The following ERICH1 variants were observed in gnomAD, a reference collection of about 807,000 sequenced individuals.
The protein encoded by ERICH1 is glutamate rich 1, also known as glutamate-rich protein 1.
ERICH1 carries 56 observed loss-of-function variants against 39.6 expected under a neutral mutation model. The ratio of observed to expected loss-of-function variants is 1.41; its 90% CI spans 1.14 to 1.77. ERICH1 has a LOEUF of 1.77. Ranked by LOEUF, ERICH1 falls within the 40% of genes most tolerant of loss-of-function variation. The pLI is 0.00. For missense variants in ERICH1, 826 were observed against 575.4 expected (o/e 1.44, Z -4.45); for synonymous variants, 313 against 223.6 (o/e 1.40, Z -3.57).
chr8:718,146 C>G (rs555805885), intron 1 of ERICH1, among the ~76,000 whole-genome samples: 2 of 151,582 alleles, frequency 1.3e-5, no homozygotes, highest in African/African-American at 4.9e-5. Context: ...GGGTACAGAT[C>G]GGAGCGCACG....
chr8:635,187 A>C (rs1035073962), intron 3 of ERICH1, among the ~76,000 whole-genome samples: 7 of 151,786 alleles, frequency 4.6e-5, no homozygotes, highest in Non-Finnish European at 1.0e-4. Context: ...TGTTCAGGAA[A>C]CCCCCCGAGG....
chr8:665,519 T>A (rs1802071344), intron 5 of ERICH1, among the ~76,000 whole-genome samples: 3 of 152,038 alleles, frequency 2.0e-5, no homozygotes, highest in Admixed American at 2.0e-4. Flanking sequence ...GCAGGCTCCA[T>A]CCCGCCCAGG....
intron 3 of ERICH1, chr8:625,868 A>T (rs1215964429): frequency 6.6e-6 from 1 of 152,244 alleles, no homozygotes; most frequent in Non-Finnish European, 1.5e-5. Context: ...TTGGGCTAAG[A>T]TGATGTGATT....
chr8:728,763 A>T (rs1819369009), intron 1 of ERICH1, among the ~76,000 whole-genome samples: 1 of 152,184 alleles, frequency 6.6e-6, no homozygotes, highest in African/African-American at 2.4e-5. Flanking sequence ...TACTTACACT[A>T]GCATAACATA....
At chr8:667,657 A>G in intron 5 of ERICH1, 1 of 153,482 alleles carries the variant, frequency 6.5e-6, no homozygotes, top group Non-Finnish European at 1.5e-5. Flanking sequence ...TCCAGCACCC[A>G]TATGCTCTGC....
chr8:691,185 C>CGCCAGGCGATCCTGACAGCCT (rs149480221), intron 3 of ERICH1: 109,086 of 152,180 alleles, frequency 0.72, 39,344 homozygotes, highest in African/African-American at 0.79. Flanking sequence ...AAGTCACTGG[C>CGCCAGGCGATCCTGACAGCCT]GCCTGGAGAA....
intron 3 of ERICH1, among the ~76,000 whole-genome samples, chr8:654,882 G>C (rs1056888763): frequency 1.4e-4 from 21 of 152,332 alleles, no homozygotes; most frequent in African/African-American, 4.6e-4. Context: ...AGGAACCTGA[G>C]GCGGGAACAC....
At chr8:617,590 T>A (rs116855023) in intron 3 of ERICH1, among the ~76,000 whole-genome samples, 1 of 151,504 alleles carries the variant, frequency 6.6e-6, no homozygotes, top group African/African-American at 2.4e-5. Flanking sequence ...CTCTGAGTGC[T>A]TGGTGCTCCA....
At chr8:717,417 A>C (rs1323476658) in intron 1 of ERICH1, among the ~76,000 whole-genome samples, 1 of 152,212 alleles carries the variant, frequency 6.6e-6, no homozygotes. Context: ...CTCAGGGAGC[A>C]ACAGGTGGTC....
intron 1 of ERICH1, among the ~76,000 whole-genome samples, chr8:726,553 A>G (rs2132469156): frequency 6.6e-6 from 1 of 151,916 alleles, no homozygotes; most frequent in African/African-American, 2.4e-5. Flanking sequence ...ACACACAGAC[A>G]CGTGTACACA....
chr8:684,845 A>G (rs1316134078), intron 3 of ERICH1, among the ~76,000 whole-genome samples: 6 of 152,166 alleles, frequency 3.9e-5, no homozygotes, highest in Non-Finnish European at 7.3e-5. Flanking sequence ...AAGGGGAGGG[A>G]GTGTACAAAT....
intron 2 of ERICH1, among the ~76,000 whole-genome samples, chr8:715,527 G>T (rs748699317): frequency 6.6e-6 from 1 of 152,268 alleles, no homozygotes; most frequent in African/African-American, 2.4e-5. Flanking sequence ...ACAGTGACTG[G>T]GGGCATGGTG....
intron 3 of ERICH1, among the ~76,000 whole-genome samples, chr8:631,702 G>A (rs1199749010): frequency 1.3e-5 from 2 of 151,988 alleles, no homozygotes; most frequent in Non-Finnish European, 2.9e-5. Context: ...GCTGTTCAGC[G>A]GCACTGAGCG....
At chr8:660,937 C>G (rs1213707661), downstream of ERICH1, among the ~76,000 whole-genome samples, 8 of 152,286 alleles carry the variant, frequency 5.3e-5, no homozygotes, top group South Asian at 1.5e-3. Flanking sequence ...GGTTCTCAGG[C>G]TAGCTCCGGG....
intron 3 of ERICH1, among the ~76,000 whole-genome samples, chr8:629,306 C>T (rs910653901): frequency 1.3e-5 from 2 of 151,148 alleles, no homozygotes; most frequent in Non-Finnish European, 1.5e-5. Flanking sequence ...CACACCCTCC[C>T]GTGACCACCC....
intron 3 of ERICH1, chr8:625,563 C>G (rs1174980977): frequency 6.6e-6 from 1 of 152,166 alleles, no homozygotes; most frequent in African/African-American, 2.4e-5. Flanking sequence ...GAGGATTGTA[C>G]AACTCTGAAT....
intron 3 of ERICH1, among the ~76,000 whole-genome samples, chr8:680,836 C>T (rs901785622): frequency 1.3e-5 from 2 of 152,220 alleles, no homozygotes; most frequent in Non-Finnish European, 2.9e-5. Flanking sequence ...GCCCCAGTTC[C>T]ACACACCACC....
intron 3 of ERICH1, among the ~76,000 whole-genome samples, chr8:633,203 T>A (rs893402379): frequency 6.6e-6 from 1 of 152,206 alleles, no homozygotes; most frequent in Non-Finnish European, 1.5e-5. Flanking sequence ...GTGCACACCC[T>A]ATGGCCTGGC....
At chr8:699,868 C>A (rs1811410926) in intron 2 of ERICH1, among the ~76,000 whole-genome samples, 1 of 109,458 alleles carries the variant, frequency 9.1e-6, no homozygotes, top group African/African-American at 3.2e-5. Flanking sequence ...CGCACAGACC[C>A]TCACAGGCGC....
Sources: gnomAD v4.1 joint callset for allele counts (sites outside exome capture counted in the v4.1 genomes callset) on GRCh38, gnomAD v4.1.1 for gene constraint, MANE v1.5 for transcripts, NCBI Gene and HGNC (gene_info 2026-07-23, HGNC 2026-07-21) for gene names.